Variants in PTPRZ1 observed in about 807,000 individuals in gnomAD.
The protein encoded by PTPRZ1 is protein tyrosine phosphatase receptor type Z1.
A neutral mutation model predicts 214.1 loss-of-function variants in PTPRZ1; 82 were observed. The observed-to-expected ratio is 0.38, with a 90% CI of 0.32 to 0.46. The LOEUF (loss-of-function observed/expected upper bound fraction) is 0.46, where lower values mean the gene tolerates loss of function less well. Ranked by LOEUF, PTPRZ1 falls within the 20% of genes least tolerant of loss-of-function variation. The pLI is 1.00. For missense variants in PTPRZ1, 2,603 were observed against 2,748.7 expected (o/e 0.95, Z 1.19); for synonymous variants, 945 against 987.9 (o/e 0.96, Z 0.81).
At position 122,011,838 on chromosome 7, in the gene PTPRZ1, C is replaced by A; in HGVS notation, c.2792C>A (p.Ser931Tyr). The A allele has an allele frequency of 6.2e-7, 1 of 1,613,952 alleles. No individual in the cohort carries two copies. Among genetic ancestry groups the A allele is most frequent in the Non-Finnish European group, 8.5e-7 (1 of 1,179,792 alleles). Residue 931 changes from serine (S) to tyrosine (Y), a missense_variant, in exon 12 of 30, where the codon TCT becomes TAT. By Grantham distance (144) the Ser-to-Tyr change is moderately radical (BLOSUM62 -2). This residue lies in a region of PTPRZ1 where 1,913 missense variants were observed against 1,914.3 expected (regional missense o/e 1.00). Transcript: ENST00000393386. ...GGGCCTGAACCTTCTTATGCCTTGT[C>A]TGATAATGAGGGCTCCCAACACATC... ...SSGPEPSYAL[S>Y]DNEGSQHIFT...
At chr7:121,942,351 C>G (rs1796259326) in intron 2 of PTPRZ1, among the ~76,000 whole-genome samples, 1 of 152,122 alleles carries the variant, frequency 6.6e-6, no homozygotes. Context: ...AAGAAAAGTT[C>G]ATCTTTAGAG....
chr7:121,921,740 A>G (rs1383183890), intron 1 of PTPRZ1, among the ~76,000 whole-genome samples: 1 of 152,272 alleles, frequency 6.6e-6, no homozygotes, highest in East Asian at 1.9e-4. Context: ...TCTGCTTCCT[A>G]ACACTGGAAG....
At position 121,972,532 on chromosome 7, in the gene PTPRZ1, T is replaced by G. The variant is rs1261441359; in HGVS notation, c.305-9T>G. The G allele has an allele frequency of 6.3e-7, 1 of 1,581,338 alleles. No homozygotes were observed. The highest frequency in any genetic ancestry group is 8.6e-7 in the Non-Finnish European group (1 of 1,166,934). On this transcript the variant is annotated splice_polypyrimidine_tract_variant and intron_variant, in intron 3 of 29. Coordinates refer to ENST00000393386, the MANE Select transcript of PTPRZ1 (RefSeq NM_002851.3). ...AGAAGCTTAGGTGCAATTGTATTTCTTTTTTTAGTGGAAATTAATCTCACT... is the reference window on the plus strand; with the variant it reads ...AGAAGCTTAGGTGCAATTGTATTTCGTTTTTTAGTGGAAATTAATCTCACT...
chr7:121,876,330 T>C (rs183194572), intron 1 of PTPRZ1, among the ~76,000 whole-genome samples: 11 of 152,300 alleles, frequency 7.2e-5, no homozygotes, highest in Non-Finnish European at 1.5e-4. Flanking sequence ...TAAGGAATAA[T>C]TTCTTCCAAT....
At chr7:122,041,523 T>C (rs1799734195) in intron 21 of PTPRZ1, among the ~76,000 whole-genome samples, 1 of 148,042 alleles carries the variant, frequency 6.8e-6, no homozygotes, top group South Asian at 2.1e-4. Flanking sequence ...TGTCAATTCA[T>C]TGTTGCCAAG....
chr7:122,011,521 T>G lies in PTPRZ1; in HGVS notation c.2475T>G (p.Ala825=). 6.2e-7 allele frequency: 1 copy of G among 1,614,098 alleles called. No individual in the cohort carries two copies. Among genetic ancestry groups the G allele is most frequent in the South Asian group, 1.1e-5 (1 of 91,082 alleles). The change falls in exon 12 of 30, where the codon GCT becomes GCG. Residue 825 remains alanine (A), a synonymous_variant. Coordinates refer to ENST00000393386, the MANE Select transcript of PTPRZ1 (RefSeq NM_002851.3). The part of the protein sequence containing the change: ...DGAPLLPFSS[A]SFSSELFRHL... ...CACCTTTGCTTCCATTTTCCTCTGC[T>G]TCCTTCAGTAGTGAATTGTTTCGCC...
At chr7:121,972,772 T>C in intron 4 of PTPRZ1, 80 bp downstream of exon 4, 1 of 1,150,826 alleles carries the variant, frequency 8.7e-7, no homozygotes, top group African/African-American at 1.6e-5. Context: ...TTGATTAATT[T>C]TAAAATCCAA....
intron 13 of PTPRZ1, among the ~76,000 whole-genome samples, chr7:122,023,471 A>G (rs1052064944): frequency 2.6e-4 from 36 of 140,826 alleles, no homozygotes; most frequent in African/African-American, 8.1e-4. Flanking sequence ...TGGGATTTAT[A>G]TATATATATA....
chr7:122,009,457 T>TAAAAAA (rs56259188), intron 11 of PTPRZ1, among the ~76,000 whole-genome samples: 1 of 142,018 alleles, frequency 7.0e-6, no homozygotes. Flanking sequence ...CCACATGAAC[T>TAAAAAA]AAAAAAAAAA....
chr7:121,947,600 T>C (rs1445049940), intron 2 of PTPRZ1, among the ~76,000 whole-genome samples: 2 of 152,342 alleles, frequency 1.3e-5, no homozygotes, highest in Non-Finnish European at 2.9e-5. Context: ...ATTTGGCTTA[T>C]AAAACAATAC....
At chr7:121,998,505 G>T (rs547456724) in intron 10 of PTPRZ1, among the ~76,000 whole-genome samples, 1 of 152,192 alleles carries the variant, frequency 6.6e-6, no homozygotes, top group South Asian at 2.1e-4. Context: ...GGGGAGTGGG[G>T]TGTTTTCCTC....
At chr7:121,875,070 C>T (rs1340497504) in intron 1 of PTPRZ1, among the ~76,000 whole-genome samples, 2 of 151,626 alleles carry the variant, frequency 1.3e-5, no homozygotes, top group East Asian at 1.9e-4. Context: ...AAAATTCACA[C>T]ATTATACAAT....
chr7:122,020,699 A>T (rs1161974124), intron 13 of PTPRZ1, among the ~76,000 whole-genome samples: 1 of 152,232 alleles, frequency 6.6e-6, no homozygotes, highest in East Asian at 1.9e-4. Flanking sequence ...AGTAGACTGC[A>T]CACTATGGAG....
chr7:122,012,054 G>C lies in PTPRZ1; in HGVS notation c.3008G>C (p.Ser1003Thr). 1 of 1,614,250 alleles carries C rather than the reference G, an allele frequency of 6.2e-7. No homozygotes were observed. Among genetic ancestry groups the C allele is most frequent in the South Asian group, 1.1e-5 (1 of 91,088 alleles). ...GAATGGTCTGGAGCCTCTTCTGATA[G>C]TGAATTTCTTTTACCTGACACAGAT... ...DGEWSGASSD[S>T]EFLLPDTDGL... The change falls in exon 12 of 30, where the codon AGT becomes ACT. Residue 1003 changes from serine to threonine, a missense_variant. Physicochemically the swap from Ser to Thr is moderately conservative, Grantham distance 58. Around this residue, in one of 6 missense-constraint regions of PTPRZ1, gnomAD observed 1,913 missense variants for 1,914.3 expected, o/e 1.00. Transcript: ENST00000393386.
intron 6 of PTPRZ1, among the ~76,000 whole-genome samples, chr7:121,981,362 ATAAGGAT>A (rs991888376): frequency 1.3e-4 from 20 of 152,014 alleles, no homozygotes; most frequent in African/African-American, 4.3e-4. Flanking sequence ...GATTATTCAC[ATAAGGAT>A]TAACACCACT....
At chr7:122,017,684 C>A (rs1323046084) in intron 12 of PTPRZ1, among the ~76,000 whole-genome samples, 1 of 151,956 alleles carries the variant, frequency 6.6e-6, no homozygotes, top group East Asian at 1.9e-4. Context: ...GACTCAGCTT[C>A]CCAAGTAGCT....
At chr7:121,985,197 T>A (rs1399919963) in intron 8 of PTPRZ1, among the ~76,000 whole-genome samples, 2 of 152,074 alleles carry the variant, frequency 1.3e-5, no homozygotes, top group Admixed American at 6.5e-5. Flanking sequence ...TGCCCCAAAG[T>A]GAGGAAATTT....
chr7:121,959,114 C>T (rs757502922), intron 2 of PTPRZ1, among the ~76,000 whole-genome samples: 2 of 152,180 alleles, frequency 1.3e-5, no homozygotes, highest in Non-Finnish European at 1.5e-5. Flanking sequence ...TGAGCCACCA[C>T]GCCCGGCCCC....
At chr7:121,982,301 G>T (rs2116563765) in intron 6 of PTPRZ1, among the ~76,000 whole-genome samples, 1 of 152,194 alleles carries the variant, frequency 6.6e-6, no homozygotes, top group Non-Finnish European at 1.5e-5. Context: ...GTAACAGTAT[G>T]ACAGCTCTTC....
Sources: allele counts gnomAD v4.1 joint callset (sites outside exome capture counted in the v4.1 genomes callset), GRCh38; gene constraint gnomAD v4.1.1; regional missense constraint gnomAD v4.1.1; transcripts MANE v1.5; gene names NCBI Gene and HGNC (gene_info 2026-07-23, HGNC 2026-07-21).